GMPR: variants seen among roughly 807,000 people sequenced by gnomAD.
The protein encoded by GMPR is GMP reductase 1.
In GMPR, 31 loss-of-function variants were observed where a neutral mutation model predicts 38.4. The observed-to-expected ratio is 0.81, with a 90% confidence interval of 0.61 to 1.09. GMPR has a LOEUF of 1.09. Ranked by LOEUF, GMPR falls within the 50% of genes least tolerant of loss-of-function variation. The pLI is 0.00. For missense variants in GMPR, 468 were observed against 453.7 expected (o/e 1.03, Z -0.29); for synonymous variants, 162 against 173.3 (o/e 0.93, Z 0.51).
intron 4 of GMPR, among the ~76,000 whole-genome samples, chr6:16,268,157 G>T (rs1759304780): frequency 6.6e-6 from 1 of 152,164 alleles, no homozygotes; most frequent in South Asian, 2.1e-4. Context: ...CCACTTTCTG[G>T]AACCATGGCT....
chr6:16,276,775 T>C (rs16877785), intron 5 of GMPR, among the ~76,000 whole-genome samples: 4,190 of 152,326 alleles, frequency 0.028, 81 homozygotes, highest in African/African-American at 0.057. Context: ...ATTGGATGTC[T>C]ATTGATTGAT....
intron 4 of GMPR, among the ~76,000 whole-genome samples, chr6:16,257,354 C>T (rs920931975): frequency 7.2e-5 from 11 of 152,148 alleles, no homozygotes; most frequent in African/African-American, 2.2e-4. Flanking sequence ...CTTATTAATA[C>T]GATAAACTGG....
At chr6:16,291,769 G>A (rs1161588580) in intron 8 of GMPR, among the ~76,000 whole-genome samples, 1 of 151,992 alleles carries the variant, frequency 6.6e-6, no homozygotes, top group Non-Finnish European at 1.5e-5. Context: ...AAATTAGCTG[G>A]GTGTGGTGTC....
chr6:16,245,772 G>A (rs983054030), intron 1 of GMPR, among the ~76,000 whole-genome samples: 3 of 152,238 alleles, frequency 2.0e-5, no homozygotes, highest in African/African-American at 7.2e-5. Context: ...AGAAGACAGT[G>A]CTCTGGAGCC....
At chr6:16,285,690 G>C (rs1272862518) in intron 6 of GMPR, 103 bp from the exon 7 acceptor site, 3 of 898,066 alleles carry the variant, frequency 3.3e-6, no homozygotes, top group Non-Finnish European at 5.5e-6. Context: ...GCTGGGGGCT[G>C]TGGTGGGTCT....
intron 4 of GMPR, among the ~76,000 whole-genome samples, chr6:16,260,994 A>C (rs1038842890): frequency 2.0e-5 from 3 of 151,928 alleles, no homozygotes; most frequent in African/African-American, 7.3e-5. Context: ...TAGATTTTGG[A>C]AGTTATGAGA....
chr6:16,267,014 T>TA (rs1759260598), intron 4 of GMPR, among the ~76,000 whole-genome samples: 1 of 150,476 alleles, frequency 6.6e-6, no homozygotes, highest in South Asian at 2.1e-4. Flanking sequence ...GCGCCACCTT[T>TA]AAGAGCTGTA....
At chr6:16,251,002 A>G (rs188262956) in intron 3 of GMPR, among the ~76,000 whole-genome samples, 8 of 152,360 alleles carry the variant, frequency 5.3e-5, no homozygotes, top group Admixed American at 4.6e-4. Flanking sequence ...AACGTTAACC[A>G]TAAGAGTTGC....
intron 7 of GMPR, among the ~76,000 whole-genome samples, chr6:16,287,806 G>A (rs913816846): frequency 6.6e-6 from 1 of 152,300 alleles, no homozygotes; most frequent in Admixed American, 6.5e-5. Flanking sequence ...GGAAGGTTGC[G>A]TTGTGCTTTG....
Position 16,254,667 on chromosome 6 carries a change from G to A in GMPR, c.397G>A (p.Gly133Arg), listed in dbSNP as rs1312932003. The change falls in exon 4 of 9, where the codon GGG (glycine) becomes AGG (arginine). Residue 133 changes from glycine (G) to arginine (R), a missense_variant. Coordinates refer to ENST00000259727, the MANE Select transcript of GMPR (RefSeq NM_006877.4). ...GTTTATTTGCCTGGATGTGGCCAATGGGTATTCAGAACATTTTGTGGAATT... is the reference window on the plus strand; with the variant it reads ...GTTTATTTGCCTGGATGTGGCCAATAGGTATTCAGAACATTTTGTGGAATT... ...VKFICLDVAN[G>R]YSEHFVEFVK... 3 of 1,613,264 alleles carry A rather than the reference G, an allele frequency of 1.9e-6. No individual in the cohort carries two copies. The highest frequency in any genetic ancestry group is 2.5e-6 in the Non-Finnish European group (3 of 1,179,180).
In GMPR at chr6:16,246,905, A is replaced by C. The variant is rs1250382871; in HGVS notation, c.151A>C (p.Ile51Leu). ...GCAGACCTACTCAGGGATTCCCATC[A>C]TCGTGGCCAACATGGACACTGTGGG... ...SKQTYSGIPI[I>L]VANMDTVGTF... is the part of the protein sequence containing the mutation. Residue 51 changes from isoleucine to leucine, a missense_variant, in exon 2 of 9, where the codon ATC (isoleucine) becomes CTC (leucine). Physicochemically the swap from Ile to Leu is conservative, Grantham distance 5. Transcript: ENST00000259727. 6.2e-7 allele frequency: 1 copy of C among 1,613,870 alleles called. No homozygotes were observed.
chr6:16,275,613 A>AAG (rs1759458607), intron 5 of GMPR, among the ~76,000 whole-genome samples: 1 of 151,550 alleles, frequency 6.6e-6, no homozygotes, highest in Admixed American at 6.6e-5. Context: ...TGAAAAGGCA[A>AAG]GAAAGGATAA....
At chr6:16,284,904 A>C (rs1759645750) in intron 6 of GMPR, among the ~76,000 whole-genome samples, 1 of 151,846 alleles carries the variant, frequency 6.6e-6, no homozygotes, top group South Asian at 2.1e-4. Flanking sequence ...CTTGTAATCC[A>C]GCTACTCAGG....
At chr6:16,263,679 GAA>G (rs1345039686) in intron 4 of GMPR, among the ~76,000 whole-genome samples, 4 of 142,592 alleles carry the variant, frequency 2.8e-5, no homozygotes, top group Non-Finnish European at 6.0e-5. Context: ...TCAGGGCACA[GAA>G]ATAAGGGATT....
At chr6:16,266,231 G>A (rs946547922) in intron 4 of GMPR, among the ~76,000 whole-genome samples, 1 of 150,866 alleles carries the variant, frequency 6.6e-6, no homozygotes, top group East Asian at 2.0e-4. Context: ...AGAACGCCGC[G>A]CGCACCACCT....
chr6:16,267,376 C>CAAACAAACAAAA (rs149076342), intron 4 of GMPR, among the ~76,000 whole-genome samples: 1 of 151,132 alleles, frequency 6.6e-6, no homozygotes, highest in Non-Finnish European at 1.5e-5. Context: ...TCTCAAAAAA[C>CAAACAAACAAAA]AAAGAGCTGT....
intron 5 of GMPR, among the ~76,000 whole-genome samples, chr6:16,277,609 C>T (rs970652467): frequency 6.6e-6 from 1 of 152,220 alleles, no homozygotes; most frequent in African/African-American, 2.4e-5. Context: ...GTATATGAGG[C>T]TCTGTTCTCA....
chr6:16,272,579 G>A (rs971047842), intron 4 of GMPR, among the ~76,000 whole-genome samples: 1 of 152,174 alleles, frequency 6.6e-6, no homozygotes, highest in African/African-American at 2.4e-5. Context: ...TGGTACCTTA[G>A]TTTACATTTG....
intron 4 of GMPR, chr6:16,263,096 T>A (rs1000304075): frequency 1.5e-4 from 23 of 151,400 alleles, no homozygotes; most frequent in African/African-American, 5.3e-4. Context: ...AAAGGAAGAT[T>A]AGAAAGACTC....
Sources: allele counts gnomAD v4.1 joint callset (sites outside exome capture counted in the v4.1 genomes callset), GRCh38; gene constraint gnomAD v4.1.1; transcripts MANE v1.5; gene names NCBI Gene and HGNC (gene_info 2026-07-23, HGNC 2026-07-21).